Variants in VPS8 observed in about 807,000 individuals in gnomAD.
VPS8 encodes the protein VPS8 subunit of CORVET complex, also known as vacuolar protein sorting-associated protein 8 homolog.
VPS8 carries 129 observed loss-of-function variants against 216.4 expected under a neutral mutation model. The observed-to-expected ratio is 0.60, with a 90% CI of 0.52 to 0.69. The LOEUF (loss-of-function observed/expected upper bound fraction) is 0.69, where lower values mean the gene tolerates loss of function less well. VPS8 is among the 30% of genes least tolerant of loss of function. VPS8 has a pLI of 0.00. For synonymous variants in VPS8, 571 were observed against 565.4 expected, an observed-to-expected ratio of 1.01 and a Z score of -0.14; for missense variants, 1,531 against 1,683.5, an observed-to-expected ratio of 0.91 and a Z score of 1.59.
chr3:184,854,096 CAT>C lies in VPS8; in HGVS notation c.976-15_976-14del, dbSNP rs1294630411. 4 of 1,613,350 alleles carry C rather than the reference CAT, an allele frequency of 2.5e-6. No homozygotes were observed. Among genetic ancestry groups the C allele is most frequent in the Non-Finnish European group, 3.4e-6 (4 of 1,179,632 alleles). On this transcript the variant is annotated splice_polypyrimidine_tract_variant and intron_variant, in intron 12 of 47. Coordinates refer to ENST00000625842, the MANE Select transcript of VPS8 (RefSeq NM_001009921.3). ...AAAATTCCAAGGTCAATATTGAAAACATATTTTTCTCTTACAGATACTGGTCA... is the reference window on the plus strand; with the variant it reads ...AAAATTCCAAGGTCAATATTGAAAACATTTTTCTCTTACAGATACTGGTCA...
At chr3:184,847,154 G>A (rs1202981709) in intron 8 of VPS8, among the ~76,000 whole-genome samples, 2 of 152,050 alleles carry the variant, frequency 1.3e-5, no homozygotes, top group Non-Finnish European at 2.9e-5. Flanking sequence ...CACCTTGGAA[G>A]GCTAAAATCC....
chr3:184,885,984 A>G (rs1731144071), intron 21 of VPS8, 126 bp from the exon 22 acceptor site: 1 of 1,040,334 alleles, frequency 9.6e-7, no homozygotes, highest in Non-Finnish European at 1.4e-6. Context: ...CAAATTGCTT[A>G]CCAAAAGCAT....
rs868744025 is a variant in VPS8, at chr3:185,003,885, C to T, written c.4002+4024C>T. ...ACGCTCCTCACCTCCCAGATGGGGT[C>T]GCGGCCAGGCAGAGGCGCTCCTCAC... On this transcript the variant is annotated intron_variant, in intron 45 of 47. Coordinates refer to ENST00000625842, the MANE Select transcript of VPS8 (RefSeq NM_001009921.3). 5.1e-5 allele frequency among the ~76,000 whole-genome samples: 7 copies of T among 138,036 alleles called. No individual in the cohort carries two copies. The South Asian group carries it at 1.2e-3, about 23-fold the overall frequency. 90.6% of individuals were successfully genotyped at this position (138,036 alleles called of 152,430 possible).
chr3:184,965,107 T>C (rs1747175140), intron 38 of VPS8, among the ~76,000 whole-genome samples: 2 of 152,240 alleles, frequency 1.3e-5, no homozygotes, highest in Admixed American at 6.5e-5. Context: ...TTCTGTTTTC[T>C]TGATAGTAGC....
chr3:184,922,344 T>C (rs1052461764), intron 29 of VPS8: 1 of 436,224 alleles, frequency 2.3e-6, no homozygotes, highest in Admixed American at 2.6e-5. Flanking sequence ...TTATCTGTCT[T>C]ATGTAGACTT....
chr3:184,913,451 C>T (rs1271977214), intron 25 of VPS8, 68 bp from the exon 26 acceptor site: 2 of 1,373,214 alleles, frequency 1.5e-6, no homozygotes, highest in South Asian at 1.3e-5. Flanking sequence ...TTTGTTTCTA[C>T]ATAAAGATTA....
At chr3:184,911,654 C>T (rs1383143438) in intron 25 of VPS8, among the ~76,000 whole-genome samples, 2 of 152,146 alleles carry the variant, frequency 1.3e-5, no homozygotes, top group Admixed American at 6.5e-5. Context: ...TTTCACTAAC[C>T]CTGTTTTTAG....
intron 4 of VPS8, 82 bp from the exon 5 acceptor site, chr3:184,834,567 G>A: frequency 9.5e-7 from 1 of 1,052,938 alleles, no homozygotes; most frequent in Non-Finnish European, 1.3e-6. Context: ...TTTTGTGCGT[G>A]TGTGTTTTCT....
chr3:185,018,699 T>C (rs972587082), intron 45 of VPS8, among the ~76,000 whole-genome samples: 1 of 152,202 alleles, frequency 6.6e-6, no homozygotes, highest in African/African-American at 2.4e-5. Context: ...TAATAGCTTG[T>C]TTAAATTCTT....
rs550800765 is a variant in VPS8, at chr3:184,853,849, A to C, written c.822-8A>C. The C allele has an allele frequency of 4.9e-5, 77 of 1,560,556 alleles. 1 individual carries two copies. In the South Asian group the frequency reaches 8.1e-4, roughly 16 times the overall value. On this transcript the variant is annotated splice_polypyrimidine_tract_variant and splice_region_variant and intron_variant, in intron 11 of 47. Transcript: ENST00000625842. ...AATTGATTCTGAATTTTCAAATTGC[A>C]TTTTCAGGAGAGTGATGGGAGTGAG...
At chr3:184,928,076 G>T (rs1430744160) in intron 31 of VPS8, among the ~76,000 whole-genome samples, 1 of 152,192 alleles carries the variant, frequency 6.6e-6, no homozygotes, top group Non-Finnish European at 1.5e-5. Context: ...ATGGATACCA[G>T]CTGTGGATAG....
chr3:184,980,885 A>G (rs1750086373), intron 40 of VPS8, among the ~76,000 whole-genome samples: 1 of 152,196 alleles, frequency 6.6e-6, no homozygotes, highest in Non-Finnish European at 1.5e-5. Context: ...TGCTGTTAAG[A>G]AGAAACTCTG....
Position 184,958,152 on chromosome 3 carries a change from G to A in VPS8, c.3183+631G>A, listed in dbSNP as rs1363278467. Among the ~76,000 whole-genome samples, 4 of 152,180 alleles carry A rather than the reference G, an allele frequency of 2.6e-5. No homozygotes were observed. In the East Asian group the frequency reaches 7.7e-4, roughly 29 times the overall value. ...GGTGGGTAACTGTGGAGAGATTTGG[G>A]TTAGTGGTTTTGACGTAATAGATTG... On this transcript the variant is annotated intron_variant, in intron 37 of 47. Coordinates refer to ENST00000625842, the MANE Select transcript of VPS8 (RefSeq NM_001009921.3).
intron 45 of VPS8, among the ~76,000 whole-genome samples, chr3:185,011,309 G>A (rs891300884): frequency 3.9e-5 from 6 of 152,314 alleles, no homozygotes; most frequent in Non-Finnish European, 8.8e-5. Flanking sequence ...CAAACTAGAC[G>A]AGCTCTACAT....
At chr3:184,893,261 T>C (rs769525285) in intron 22 of VPS8, 1 of 1,288,130 alleles carries the variant, frequency 7.8e-7, no homozygotes, top group South Asian at 1.2e-5. Flanking sequence ...AACCCCATCC[T>C]AGTCCTTTCA....
rs1466547296 is a variant in VPS8 at position 184,983,246 on chromosome 3, G to A, written c.3585+152G>A. Among the ~76,000 whole-genome samples the A allele has an allele frequency of 5.3e-5, 8 of 152,176 alleles. No individual in the cohort carries two copies. In the East Asian group the frequency reaches 1.2e-3, roughly 22 times the overall value. ...CTAAATATCTAAATATCTAACTTCCGACCCTCATTCTTGAATCTTTTCTGT... is the reference window on the plus strand; with the variant it reads ...CTAAATATCTAAATATCTAACTTCCAACCCTCATTCTTGAATCTTTTCTGT... On this transcript the variant is annotated intron_variant, in intron 42 of 47. Coordinates refer to ENST00000625842, the MANE Select transcript of VPS8 (RefSeq NM_001009921.3).
At chr3:184,960,887 G>T (rs1746391824) in intron 37 of VPS8, among the ~76,000 whole-genome samples, 1 of 152,176 alleles carries the variant, frequency 6.6e-6, no homozygotes, top group Admixed American at 6.5e-5. Context: ...CCTACTAAGT[G>T]GTAGCCCCTG....
intron 38 of VPS8, among the ~76,000 whole-genome samples, 188 bp downstream of exon 38, chr3:184,964,745 T>C (rs967833241): frequency 6.6e-6 from 1 of 152,212 alleles, no homozygotes; most frequent in African/African-American, 2.4e-5. Flanking sequence ...AGGTAAAATG[T>C]ACAACAGTAA....
At chr3:184,895,504 G>A (rs978046148) in intron 23 of VPS8, among the ~76,000 whole-genome samples, 4 of 143,866 alleles carry the variant, frequency 2.8e-5, no homozygotes, top group Non-Finnish European at 4.5e-5. Flanking sequence ...TATCTTAATT[G>A]AGTTTCTTGA....
Sources: allele counts gnomAD v4.1 joint callset (sites outside exome capture counted in the v4.1 genomes callset), GRCh38; gene constraint gnomAD v4.1.1; transcripts MANE v1.5; gene names NCBI Gene and HGNC (gene_info 2026-07-23, HGNC 2026-07-21).